The following TST variants were observed in gnomAD, a reference collection of about 807,000 sequenced individuals.
The protein encoded by TST is thiosulfate sulfurtransferase.
A neutral mutation model predicts 20.4 loss-of-function variants in TST; 22 were observed. That is an observed-to-expected ratio of 1.08 (90% CI 0.77 to 1.54). The LOEUF (loss-of-function observed/expected upper bound fraction) is 1.54. Ranked by LOEUF, TST falls within the 40% of genes most tolerant of loss-of-function variation. TST has a pLI of 0.00. For synonymous variants in TST, 187 were observed against 173.8 expected, an observed-to-expected ratio of 1.08 and a Z score of -0.60; for missense variants, 392 against 405.2, an observed-to-expected ratio of 0.97 and a Z score of 0.28.
At chr22:37,016,735 G>A (rs1046362963) in intron 2 of TST, among the ~76,000 whole-genome samples, 1 of 152,192 alleles carries the variant, frequency 6.6e-6, no homozygotes, top group Non-Finnish European at 1.5e-5. Flanking sequence ...TCTCTGGGAG[G>A]TGCCAAATGA....
intron 1 of TST, 165 bp from the exon 2 acceptor site, chr22:37,018,918 G>A: frequency 2.0e-6 from 1 of 511,078 alleles, no homozygotes; most frequent in Non-Finnish European, 3.3e-6. Flanking sequence ...TAAGTTTGCA[G>A]ATTCCCTCTG....
In TST at chr22:37,011,175, C is replaced by G; in HGVS notation, c.746G>C (p.Arg249Pro). The G allele has an allele frequency of 1.9e-6, 3 of 1,613,756 alleles. No individual in the cohort carries two copies. The highest frequency in any genetic ancestry group is 2.5e-6 in the Non-Finnish European group (3 of 1,180,014). Residue 249 changes from arginine to proline, a missense_variant, in exon 3 of 3, where the codon CGC (arginine) becomes CCC (proline). By Grantham distance (103) the Arg-to-Pro change is moderately radical. Coordinates refer to ENST00000249042, the MANE Select transcript of TST (RefSeq NM_003312.6). Reference protein sequence around the residue: ...DLSQPLIATCRKGVTACHVAL... With the variant: ...DLSQPLIATCPKGVTACHVAL... ...CACGTGGCAGGCGGTGACTCCCTTGCGGCACGTGGCAATGAGAGGCTGCGA... is the reference window on the plus strand; with the variant it reads ...CACGTGGCAGGCGGTGACTCCCTTGGGGCACGTGGCAATGAGAGGCTGCGA...
rs1371651865 is a variant in TST, at chr22:37,018,455, T to G, written c.278A>C (p.His93Pro). The change falls in exon 2 of 3, where the codon CAC becomes CCC. Residue 93 changes from histidine (H) to proline (P), a missense_variant. Physicochemically the swap from His to Pro is moderately conservative, Grantham distance 77 (BLOSUM62 -2). Coordinates refer to ENST00000249042, the MANE Select transcript of TST (RefSeq NM_003312.6). ...EYVGRLGISN[H>P]THVVVYDGEH... ...ACCATCATACACCACCACGTGCGTGTGGTTGCTGATGCCCAGGCGGCCCAC... is the reference window on the plus strand; with the variant it reads ...ACCATCATACACCACCACGTGCGTGGGGTTGCTGATGCCCAGGCGGCCCAC... 1.2e-6 allele frequency: 2 copies of G among 1,612,514 alleles called. No homozygotes were observed. Among genetic ancestry groups the G allele is most frequent in the Non-Finnish European group, 1.7e-6 (2 of 1,179,792 alleles).
intron 2 of TST, among the ~76,000 whole-genome samples, chr22:37,011,548 G>C (rs1472477517): frequency 2.0e-5 from 3 of 152,202 alleles, no homozygotes; most frequent in African/African-American, 7.2e-5. Context: ...TTGAAGTAGA[G>C]ATGCCCAAAA....
At position 37,018,257 on chromosome 22, in the gene TST, C is replaced by T. The variant is rs147975715; in HGVS notation, c.476G>A (p.Arg159His). 23 of 1,614,036 alleles carry T rather than the reference C, an allele frequency of 1.4e-5. No individual in the cohort carries two copies. In the African/African-American group the frequency reaches 2.1e-4, roughly 15 times the overall value. Residue 159 changes from arginine to histidine, a missense_variant, in exon 2 of 3, where the codon CGC (arginine) becomes CAC (histidine). By Grantham distance (29) the Arg-to-His change is conservative (BLOSUM62 0). Transcript: ENST00000249042. Reference sequence around the variant, plus strand: ...CTGCTCGTAGGTCTTGAGCAGGGAGCGGTCCAGTGTGGCTTTGAAGACGGC... The same window carrying T: ...CTGCTCGTAGGTCTTGAGCAGGGAGTGGTCCAGTGTGGCTTTGAAGACGGC... ...EPAVFKATLD[R>H]SLLKTYEQVL...
Position 37,018,422 on chromosome 22 carries a change from A to G in TST, c.311T>C (p.Leu104Pro), listed in dbSNP as rs1411699402. ...THVVVYDGEH[L>P]GSFYAPRVWW... is the part of the protein sequence containing the mutation. ...GACCCGGGGAGCATAGAAGCTGCCCAGGTGTTCACCATCATACACCACCAC... is the reference window on the plus strand; with the variant it reads ...GACCCGGGGAGCATAGAAGCTGCCCGGGTGTTCACCATCATACACCACCAC... The change falls in exon 2 of 3, where the codon CTG (leucine) becomes CCG (proline). Residue 104 changes from leucine (L) to proline (P), a missense_variant. Leu to Pro is a moderately conservative substitution (Grantham distance 98). Coordinates refer to ENST00000249042, the MANE Select transcript of TST (RefSeq NM_003312.6). 3 of 1,613,718 alleles carry G rather than the reference A, an allele frequency of 1.9e-6. No homozygotes were observed. The South Asian group carries it at 3.3e-5, about 18-fold the overall frequency.
intron 2 of TST, among the ~76,000 whole-genome samples, chr22:37,016,841 G>A (rs148541610): frequency 1.3e-4 from 20 of 152,366 alleles, no homozygotes; most frequent in African/African-American, 4.3e-4. Context: ...AGACCCTGCT[G>A]TCCTGGCTCT....
At chr22:37,015,421 C>T (rs2145898153) in intron 2 of TST, among the ~76,000 whole-genome samples, 1 of 152,382 alleles carries the variant, frequency 6.6e-6, no homozygotes, top group Middle Eastern at 3.4e-3. Flanking sequence ...TCCAGCCCTC[C>T]TCTCAGGTGA....
chr22:37,020,095 G>T (rs1370466546), upstream of TST: 1 of 391,178 alleles, frequency 2.6e-6, no homozygotes. Flanking sequence ...GGTGGAAGTG[G>T]GTGACCTGGT....
At chr22:37,013,231 T>A (rs1428452831) in intron 2 of TST, 1 of 152,170 alleles carries the variant, frequency 6.6e-6, no homozygotes, top group Non-Finnish European at 1.5e-5. Context: ...TCGAGTTTGA[T>A]TGGCAGTGGT....
chr22:37,018,176 C>T lies in TST; in HGVS notation c.557G>A (p.Gly186Glu), dbSNP rs138956044. 1.0e-5 allele frequency: 16 copies of T among 1,595,952 alleles called. No homozygotes were observed. Among genetic ancestry groups the T allele is most frequent in the Admixed American group, 5.1e-5 (3 of 58,846 alleles). The change falls in exon 2 of 3, where the codon GGG becomes GAG. Residue 186 changes from glycine to glutamate, a missense_variant. By Grantham distance (98) the Gly-to-Glu change is moderately conservative. Coordinates refer to ENST00000249042, the MANE Select transcript of TST (RefSeq NM_003312.6). Reference protein sequence around the residue: ...RFQLVDSRSQGRFLGTEPEPD... With the variant: ...RFQLVDSRSQERFLGTEPEPD... ...CTCCGGCTCGGTGCCCAGGAACCGC[C>T]CTTGAGACCTTGAATCCACCAGCTG...
At chr22:37,013,537 T>G (rs4821581) in intron 2 of TST, among the ~76,000 whole-genome samples, 70,200 of 147,696 alleles carry the variant, frequency 0.48, 16,422 homozygotes, top group Middle Eastern at 0.56. Flanking sequence ...CCCAGGAGAC[T>G]GCAGTGAGCT....
chr22:37,017,261 G>T (rs1484617197), intron 2 of TST, among the ~76,000 whole-genome samples: 1 of 152,140 alleles, frequency 6.6e-6, no homozygotes, highest in Non-Finnish European at 1.5e-5. Flanking sequence ...CCTCTCCTGA[G>T]GCTCTCCCCA....
At chr22:37,011,424 T>G in intron 2 of TST, 99 bp from the exon 3 acceptor site, 2 of 1,306,946 alleles carry the variant, frequency 1.5e-6, no homozygotes, top group Non-Finnish European at 2.1e-6. Context: ...GATAGATAGC[T>G]TTGCAAATAA....
In TST at chr22:37,018,132, A is replaced by C; in HGVS notation, c.595+6T>G. 2 of 1,536,944 alleles carry C rather than the reference A, an allele frequency of 1.3e-6. No individual in the cohort carries two copies. The highest frequency in any genetic ancestry group is 1.8e-6 in the Non-Finnish European group (2 of 1,140,318). ...CCCAGGGACCACCCAGCACTGGGAC[A>C]CCTACCTACTGCATCCGGCTCCGGC... On this transcript the variant is annotated splice_donor_region_variant and intron_variant, in intron 2 of 2. Transcript: ENST00000249042.
intron 1 of TST, 91 bp from the exon 2 acceptor site, chr22:37,018,844 C>G: frequency 1.1e-6 from 1 of 886,414 alleles, no homozygotes; most frequent in Non-Finnish European, 1.6e-6. Context: ...AGCTCTTTCT[C>G]CCTCCGCACT....
intron 2 of TST, among the ~76,000 whole-genome samples, chr22:37,012,064 T>C (rs1027000311): frequency 5.3e-5 from 8 of 152,116 alleles, no homozygotes; most frequent in Non-Finnish European, 8.8e-5. Flanking sequence ...AGTTTCTCCA[T>C]AGGAAAAATG....
chr22:37,016,457 C>T (rs1922684424), intron 2 of TST, among the ~76,000 whole-genome samples: 2 of 152,212 alleles, frequency 1.3e-5, no homozygotes, highest in Non-Finnish European at 1.5e-5. Flanking sequence ...GGAACTTCAG[C>T]ATCCCGGGCC....
At chr22:37,014,325 G>A (rs1052225879) in intron 2 of TST, among the ~76,000 whole-genome samples, 5 of 152,114 alleles carry the variant, frequency 3.3e-5, no homozygotes, top group African/African-American at 4.8e-5. Flanking sequence ...AGCCAAGATC[G>A]CACCACTGCA....
Sources: allele counts gnomAD v4.1 joint callset (sites outside exome capture counted in the v4.1 genomes callset), GRCh38; gene constraint gnomAD v4.1.1; transcripts MANE v1.5; gene names NCBI Gene and HGNC (gene_info 2026-07-23, HGNC 2026-07-21).